TEC: variants seen among roughly 807,000 people sequenced by gnomAD.
The protein encoded by TEC is tyrosine-protein kinase Tec.
In TEC, 72 loss-of-function variants were observed where a neutral mutation model predicts 93.0. That is an observed-to-expected ratio of 0.77 (90% CI 0.64 to 0.94). TEC has a LOEUF of 0.94. Among genes scored for constraint, TEC ranks in the 40% least tolerant of loss-of-function variants. The pLI is 0.00. For synonymous variants in TEC, 249 were observed against 247.7 expected, an observed-to-expected ratio of 1.01 and a Z score of -0.05; for missense variants, 630 against 757.9, an observed-to-expected ratio of 0.83 and a Z score of 1.98.
intron 1 of TEC, among the ~76,000 whole-genome samples, chr4:48,239,217 G>T (rs1723864928): frequency 6.6e-6 from 1 of 151,934 alleles, no homozygotes; most frequent in African/African-American, 2.4e-5. Flanking sequence ...GTCAGAAAAT[G>T]ATATCAAGAA....
chr4:48,263,086 A>G (rs1267457734), intron 1 of TEC, among the ~76,000 whole-genome samples: 2 of 152,206 alleles, frequency 1.3e-5, no homozygotes, highest in African/African-American at 4.8e-5. Context: ...GAATGACTCA[A>G]CTGATGAAAT....
rs139751544 is a variant in TEC, at chr4:48,222,465, T to C, written c.138+6012A>G. Among the ~76,000 whole-genome samples the C allele has an allele frequency of 2.8e-4, 42 of 152,126 alleles. 1 individual carries two copies. The East Asian group carries it at 6.6e-3, about 24-fold the overall frequency. ...GCCTGCAGTAGAGAAAATTCACCGA[T>C]ATGATGCTTAATTTTATGTGTCAAC... On this transcript the variant is annotated intron_variant, in intron 2 of 17. Coordinates refer to ENST00000381501, the MANE Select transcript of TEC (RefSeq NM_003215.3).
At chr4:48,175,408 G>A (rs567639117) in intron 3 of TEC, among the ~76,000 whole-genome samples, 3 of 152,328 alleles carry the variant, frequency 2.0e-5, no homozygotes, top group Admixed American at 6.5e-5. Context: ...CTCAAGGAGA[G>A]CATAAAAACA....
At chr4:48,256,654 T>C (rs1724354834) in intron 1 of TEC, among the ~76,000 whole-genome samples, 1 of 151,974 alleles carries the variant, frequency 6.6e-6, no homozygotes, top group Non-Finnish European at 1.5e-5. Flanking sequence ...GTGTCTCTTC[T>C]TTTAAAAACT....
chr4:48,143,665 C>T (rs1175977787), intron 14 of TEC, among the ~76,000 whole-genome samples: 1 of 152,164 alleles, frequency 6.6e-6, no homozygotes, highest in Admixed American at 6.5e-5. Flanking sequence ...ATCTCCAAAT[C>T]TTCAATTCTC....
At chr4:48,207,071 G>GA (rs1722741709) in intron 2 of TEC, among the ~76,000 whole-genome samples, 1 of 152,206 alleles carries the variant, frequency 6.6e-6, no homozygotes, top group African/African-American at 2.4e-5. Context: ...AAGAAAGGTA[G>GA]AATTTGAACT....
intron 7 of TEC, among the ~76,000 whole-genome samples, chr4:48,164,695 C>A (rs1364351856): frequency 6.6e-6 from 1 of 152,058 alleles, no homozygotes; most frequent in Non-Finnish European, 1.5e-5. Flanking sequence ...AGGAGCCAGT[C>A]CCCCTTAGAA....
At chr4:48,256,787 T>C (rs1724358524) in intron 1 of TEC, among the ~76,000 whole-genome samples, 1 of 152,052 alleles carries the variant, frequency 6.6e-6, no homozygotes, top group African/African-American at 2.4e-5. Flanking sequence ...GTTCTGGGCA[T>C]AGGCAGGGAA....
intron 14 of TEC, chr4:48,141,640 T>G (rs1719671487): frequency 4.1e-6 from 2 of 489,614 alleles, no homozygotes; most frequent in Non-Finnish European, 7.2e-6. Flanking sequence ...CAATAAGGCA[T>G]TATTACATAA....
At chr4:48,181,100 T>A (rs1191732377) in intron 2 of TEC, among the ~76,000 whole-genome samples, 1 of 151,744 alleles carries the variant, frequency 6.6e-6, no homozygotes, top group Admixed American at 6.6e-5. Context: ...CCATGAATCA[T>A]GAGAAGGAAC....
intron 12 of TEC, 57 bp from the exon 13 acceptor site, chr4:48,145,636 A>G (rs1719877001): frequency 2.2e-5 from 34 of 1,578,190 alleles, no homozygotes; most frequent in Non-Finnish European, 2.9e-5. Flanking sequence ...AGCATGAATC[A>G]GAGAGGGGGA....
Position 48,170,380 on chromosome 4 carries a change from T to TG in TEC, c.326-5_326-4insC. On this transcript the variant is annotated splice_polypyrimidine_tract_variant and splice_region_variant and intron_variant, in intron 4 of 17. Transcript: ENST00000381501. ...ATATTATTGTTGTTCTTTATTTCTG[T>TG]AATTCACAGATATAGTAATTAATAG... is the stretch of plus-strand genomic sequence containing the variant. 7.4e-7 allele frequency: 1 copy of TG among 1,359,000 alleles called. No homozygotes were observed. Among genetic ancestry groups the TG allele is most frequent in the Non-Finnish European group, 1.0e-6 (1 of 963,660 alleles). 84.2% of individuals were successfully genotyped at this position (1,359,000 alleles called of 1,614,324 possible).
chr4:48,146,408 C>T lies in TEC; in HGVS notation c.1007-9G>A. The T allele has an allele frequency of 6.2e-7, 1 of 1,612,938 alleles. No homozygotes were observed. Among genetic ancestry groups the T allele is most frequent in the Non-Finnish European group, 8.5e-7 (1 of 1,179,166 alleles). ...AAGCCTGGTGACAAGTCCTAATAATCAAAGAAAGCGTTGCAGTCAAACTCA... is the reference window on the plus strand; with the variant it reads ...AAGCCTGGTGACAAGTCCTAATAATTAAAGAAAGCGTTGCAGTCAAACTCA... On this transcript the variant is annotated splice_polypyrimidine_tract_variant and intron_variant, in intron 11 of 17. Coordinates refer to ENST00000381501, the MANE Select transcript of TEC (RefSeq NM_003215.3).
intron 1 of TEC, among the ~76,000 whole-genome samples, chr4:48,241,792 T>A (rs1211852718): frequency 6.6e-6 from 1 of 151,802 alleles, no homozygotes; most frequent in Non-Finnish European, 1.5e-5. Context: ...CCTCGTCAAT[T>A]TTCTTCCTTC....
intron 2 of TEC, among the ~76,000 whole-genome samples, chr4:48,217,491 A>G (rs1241832452): frequency 6.6e-6 from 1 of 152,190 alleles, no homozygotes; most frequent in African/African-American, 2.4e-5. Flanking sequence ...AATGATAACC[A>G]TGACAATGAA....
chr4:48,159,817 A>G (rs931442614), intron 8 of TEC, among the ~76,000 whole-genome samples: 1 of 152,194 alleles, frequency 6.6e-6, no homozygotes, highest in African/African-American at 2.4e-5. Flanking sequence ...TATTGGGATT[A>G]CAGGTGTGAG....
chr4:48,179,352 ATATATATATATATATATATATATATT>A (rs1449737112), intron 2 of TEC, among the ~76,000 whole-genome samples: 10 of 28,164 alleles, frequency 3.6e-4, no homozygotes, highest in South Asian at 3.1e-3. Flanking sequence ...ATATATATAT[ATATATATATATATATATATATATATT>A]TTTTTTTTTT....
At chr4:48,140,327 T>C (rs1201103594) in intron 15 of TEC, among the ~76,000 whole-genome samples, 1 of 152,220 alleles carries the variant, frequency 6.6e-6, no homozygotes, top group Non-Finnish European at 1.5e-5. Context: ...TTTCACTTTT[T>C]CTTCCTACCT....
intron 1 of TEC, among the ~76,000 whole-genome samples, chr4:48,239,882 A>T (rs1363465579): frequency 2.0e-5 from 3 of 152,150 alleles, no homozygotes; most frequent in Non-Finnish European, 4.4e-5. Context: ...ATACTAACTC[A>T]ATATTGTTGA....
Sources: allele counts gnomAD v4.1 joint callset (sites outside exome capture counted in the v4.1 genomes callset), GRCh38; gene constraint gnomAD v4.1.1; transcripts MANE v1.5; gene names NCBI Gene and HGNC (gene_info 2026-07-23, HGNC 2026-07-21).